The following SERPIND1 variants were observed in gnomAD, a reference collection of about 807,000 sequenced individuals.
SERPIND1 encodes the protein heparin cofactor 2.
SERPIND1 carries 34 observed loss-of-function variants against 35.0 expected under a neutral mutation model. The observed-to-expected ratio is 0.97, with a 90% CI of 0.74 to 1.29. SERPIND1 has a LOEUF of 1.29. Among genes scored for constraint, SERPIND1 ranks in the 50% most tolerant of loss-of-function variants. The pLI, the probability that SERPIND1 is intolerant of heterozygous loss-of-function variation, is 0.00. For synonymous variants in SERPIND1, 236 were observed against 241.1 expected, an observed-to-expected ratio of 0.98 and a Z score of 0.19; for missense variants, 633 against 637.7, an observed-to-expected ratio of 0.99 and a Z score of 0.08.
At chr22:20,785,532 C>T (rs1174415726) in intron 3 of SERPIND1, among the ~76,000 whole-genome samples, 3 of 152,182 alleles carry the variant, frequency 2.0e-5, no homozygotes, top group Non-Finnish European at 2.9e-5. Context: ...TGTTGCTATC[C>T]GCCCCCTTAG....
intron 2 of SERPIND1, among the ~76,000 whole-genome samples, chr22:20,782,637 G>A (rs569871396): frequency 1.3e-5 from 2 of 152,286 alleles, no homozygotes; most frequent in South Asian, 2.1e-4. Context: ...TGAAAGGGCC[G>A]TGATTCCCAA....
In SERPIND1 at chr22:20,779,743, A is replaced by G; in HGVS notation, c.431A>G (p.Gln144Arg). ...AFNLYRVLKD[Q>R]VNTFDNIFIA... Reference sequence around the variant, plus strand: ...AACCTCTACCGAGTGCTGAAAGACCAGGTCAACACTTTCGATAACATCTTC... The same window carrying G: ...AACCTCTACCGAGTGCTGAAAGACCGGGTCAACACTTTCGATAACATCTTC... The change falls in exon 2 of 5, where the codon CAG becomes CGG. Residue 144 changes from glutamine to arginine, a missense_variant. By Grantham distance (43) the Gln-to-Arg change is conservative (BLOSUM62 1). Coordinates refer to ENST00000215727, the MANE Select transcript of SERPIND1 (RefSeq NM_000185.4). 6.2e-7 allele frequency: 1 copy of G among 1,614,256 alleles called. No homozygotes were observed. The highest frequency in any genetic ancestry group is 8.5e-7 in the Non-Finnish European group (1 of 1,180,036).
chr22:20,778,680 C>T (rs1933501498), intron 1 of SERPIND1, among the ~76,000 whole-genome samples: 1 of 152,160 alleles, frequency 6.6e-6, no homozygotes, highest in Admixed American at 6.5e-5. Flanking sequence ...GTGAGTCACA[C>T]AGGCATGGCT....
At chr22:20,785,353 G>A (rs943063226) in intron 3 of SERPIND1, among the ~76,000 whole-genome samples, 12 of 152,206 alleles carry the variant, frequency 7.9e-5, no homozygotes, top group Admixed American at 3.9e-4. Flanking sequence ...TAACAGGCGT[G>A]AGCCGCTGTG....
chr22:20,784,909 A>G (rs1934091542), intron 3 of SERPIND1, among the ~76,000 whole-genome samples: 1 of 152,160 alleles, frequency 6.6e-6, no homozygotes. Flanking sequence ...ATACAAACAT[A>G]TGCAACCAAA....
rs370070241 is a variant in SERPIND1 at position 20,779,968 on chromosome 22, G to A, written c.656G>A (p.Arg219Gln). The change falls in exon 2 of 5, where the codon CGG becomes CAG. Residue 219 changes from arginine to glutamine, a missense_variant. Arg to Gln is a conservative substitution (Grantham distance 43). Coordinates refer to ENST00000215727, the MANE Select transcript of SERPIND1 (RefSeq NM_000185.4). ...AGGAGGAATTTTGGGTACACACTGC[G>A]GTCAGTCAATGACCTTTATATCCAG... is the stretch of plus-strand genomic sequence containing the variant. ...LFRRNFGYTL[R>Q]SVNDLYIQKQ... 8.1e-6 allele frequency: 13 copies of A among 1,613,998 alleles called. No homozygotes were observed. The highest frequency in any genetic ancestry group is 1.6e-4 in the Middle Eastern group (1 of 6,080).
rs1933596084 is a variant in SERPIND1 at position 20,779,626 on chromosome 22, A to T, written c.314A>T (p.Asp105Val). The change falls in exon 2 of 5, where the codon GAC (aspartate) becomes GTC (valine). Residue 105 changes from aspartate to valine, a missense_variant. Asp to Val is a radical substitution (Grantham distance 152). Coordinates refer to ENST00000215727, the MANE Select transcript of SERPIND1 (RefSeq NM_000185.4). ...IVDSLSVSPT[D>V]SDVSAGNILQ... The stretch of plus-strand genomic sequence containing the variant: ...GACAGTCTGTCAGTTTCCCCGACAG[A>T]CTCTGATGTGAGTGCTGGGAACATC... 1 of 1,614,002 alleles carries T rather than the reference A, an allele frequency of 6.2e-7. No individual in the cohort carries two copies. Among genetic ancestry groups the T allele is most frequent in the Non-Finnish European group, 8.5e-7 (1 of 1,180,012 alleles).
At position 20,779,961 on chromosome 22, in the gene SERPIND1, A is replaced by C. The variant is rs771285493; in HGVS notation, c.649A>C (p.Thr217Pro). 2 of 1,614,242 alleles carry C rather than the reference A, an allele frequency of 1.2e-6. No homozygotes were observed. Among genetic ancestry groups the C allele is most frequent in the Non-Finnish European group, 1.7e-6 (2 of 1,180,050 alleles). The change falls in exon 2 of 5, where the codon ACA becomes CCA. Residue 217 changes from threonine to proline, a missense_variant. Physicochemically the swap from Thr to Pro is conservative, Grantham distance 38 (BLOSUM62 -1). Transcript: ENST00000215727. ...HRLFRRNFGY[T>P]LRSVNDLYIQ... ...CCTCTTCAGGAGGAATTTTGGGTAC[A>C]CACTGCGGTCAGTCAATGACCTTTA...
At chr22:20,775,312 A>G (rs1391452059) in intron 1 of SERPIND1, among the ~76,000 whole-genome samples, 1 of 152,242 alleles carries the variant, frequency 6.6e-6, no homozygotes, top group Non-Finnish European at 1.5e-5. Flanking sequence ...GTCTTCTACA[A>G]TGTTTGTTAT....
intron 1 of SERPIND1, among the ~76,000 whole-genome samples, chr22:20,777,632 G>C (rs995895878): frequency 1.3e-5 from 2 of 152,216 alleles, no homozygotes; most frequent in Admixed American, 6.5e-5. Flanking sequence ...GATTATAGGC[G>C]TAAGCCACAG....
At chr22:20,778,270 G>A (rs1056915509) in intron 1 of SERPIND1, among the ~76,000 whole-genome samples, 3 of 152,092 alleles carry the variant, frequency 2.0e-5, no homozygotes, top group African/African-American at 7.2e-5. Context: ...GGGGGCTGAG[G>A]TGGGTGGATC....
At chr22:20,782,636 C>T (rs1415205803) in intron 2 of SERPIND1, among the ~76,000 whole-genome samples, 2 of 152,144 alleles carry the variant, frequency 1.3e-5, no homozygotes, top group East Asian at 1.9e-4. Context: ...CTGAAAGGGC[C>T]GTGATTCCCA....
intron 1 of SERPIND1, among the ~76,000 whole-genome samples, chr22:20,777,238 C>T (rs528651972): frequency 2.0e-5 from 3 of 148,460 alleles, no homozygotes; most frequent in East Asian, 3.9e-4. Flanking sequence ...TTTTTTGAGA[C>T]GGAGTTTCGC....
chr22:20,786,476 A>G (rs1193042885), intron 4 of SERPIND1, among the ~76,000 whole-genome samples: 4 of 152,206 alleles, frequency 2.6e-5, no homozygotes, highest in African/African-American at 9.6e-5. Flanking sequence ...AAGAGCCATT[A>G]AACACCGCAC....
rs749913368 is a variant in SERPIND1, at chr22:20,787,029, T to C, written c.1463T>C (p.Leu488Pro). The C allele has an allele frequency of 5.0e-6, 8 of 1,614,094 alleles. No individual in the cohort carries two copies. Among genetic ancestry groups the C allele is most frequent in the Non-Finnish European group, 6.8e-6 (8 of 1,179,994 alleles). ...LIYEHRTSCL[L>P]FMGRVANPSR... ...TACGAGCATCGCACCAGCTGCCTGCTCTTCATGGGAAGAGTGGCCAACCCC... is the reference window on the plus strand; with the variant it reads ...TACGAGCATCGCACCAGCTGCCTGCCCTTCATGGGAAGAGTGGCCAACCCC... Residue 488 changes from leucine (L) to proline (P), a missense_variant, in exon 5 of 5, where the codon CTC becomes CCC. Physicochemically the swap from Leu to Pro is moderately conservative, Grantham distance 98. Transcript: ENST00000215727.
rs1269025982 is a variant in SERPIND1, at chr22:20,784,219, G to A, written c.1137G>A (p.Glu379=). Residue 379 remains glutamate (E), a synonymous_variant, in exon 3 of 5, where the codon GAG becomes GAA. Transcript: ENST00000215727. ...LEAQLTPRVV[E]RWQKSMTNRT... ...CGCAACTGACACCCCGGGTGGTGGA[G>A]AGATGGCAAAAAAGCATGACAAACA... 3 of 1,614,168 alleles carry A rather than the reference G, an allele frequency of 1.9e-6. No individual in the cohort carries two copies. Among genetic ancestry groups the A allele is most frequent in the Non-Finnish European group, 2.5e-6 (3 of 1,180,022 alleles).
intron 1 of SERPIND1, among the ~76,000 whole-genome samples, chr22:20,774,536 G>T (rs188443218): frequency 2.0e-5 from 3 of 152,314 alleles, no homozygotes; most frequent in African/African-American, 7.2e-5. Context: ...GCCGAGGCGG[G>T]TGGATCACGA....
intron 1 of SERPIND1, among the ~76,000 whole-genome samples, chr22:20,775,890 TG>T (rs1343472856): frequency 6.6e-6 from 1 of 152,162 alleles, no homozygotes; most frequent in Non-Finnish European, 1.5e-5. Flanking sequence ...TTACTTTCTT[TG>T]TTCCTGACTT....
chr22:20,775,150 C>T (rs1356120494), intron 1 of SERPIND1, among the ~76,000 whole-genome samples: 2 of 151,902 alleles, frequency 1.3e-5, no homozygotes, highest in African/African-American at 4.8e-5. Flanking sequence ...AAAGGCCAAC[C>T]CAGCTCTGGC....
Sources: allele counts gnomAD v4.1 joint callset (sites outside exome capture counted in the v4.1 genomes callset), GRCh38; gene constraint gnomAD v4.1.1; transcripts MANE v1.5; gene names NCBI Gene and HGNC (gene_info 2026-07-23, HGNC 2026-07-21).